Variants in ADAM12 observed in about 807,000 individuals in gnomAD.
The protein encoded by ADAM12 is disintegrin and metalloproteinase domain-containing protein 12.
In ADAM12, 70 loss-of-function variants were observed where a neutral mutation model predicts 106.4. That is an observed-to-expected ratio of 0.66 (90% CI 0.54 to 0.80). The LOEUF (loss-of-function observed/expected upper bound fraction) is 0.80. Ranked by LOEUF, ADAM12 falls within the 30% of genes least tolerant of loss-of-function variation. The pLI is 0.00. For synonymous variants in ADAM12, 420 were observed against 433.5 expected, an observed-to-expected ratio of 0.97 and a Z score of 0.39; for missense variants, 1,010 against 1,171.9, an observed-to-expected ratio of 0.86 and a Z score of 2.02.
chr10:126,337,687 C>A (rs376785788), intron 1 of ADAM12, among the ~76,000 whole-genome samples: 3 of 152,290 alleles, frequency 2.0e-5, no homozygotes, highest in African/African-American at 7.2e-5. Flanking sequence ...GCCATGTAGG[C>A]AACCCTCCAT....
chr10:126,138,384 AT>A (rs534261484), intron 4 of ADAM12, among the ~76,000 whole-genome samples: 1 of 151,112 alleles, frequency 6.6e-6, no homozygotes, highest in African/African-American at 2.4e-5. Flanking sequence ...TTATTTATTT[AT>A]TTTTTTTGAG....
At position 126,247,656 on chromosome 10, in the gene ADAM12, T is replaced by C. The variant is rs185647608; in HGVS notation, c.260+31259A>G. Among the ~76,000 whole-genome samples the C allele has an allele frequency of 2.3e-4, 35 of 152,324 alleles. No individual in the cohort carries two copies. The East Asian group carries it at 6.6e-3, about 29-fold the overall frequency. ...CATTTAAAACAGGGCTTGGCGTCAA[T>C]CTTGAGACTAAGTCACCAACCAGGA... On this transcript the variant is annotated intron_variant, in intron 3 of 22. Transcript: ENST00000448723.
chr10:126,337,426 T>C (rs1036014266), intron 1 of ADAM12, among the ~76,000 whole-genome samples: 15 of 152,210 alleles, frequency 9.9e-5, no homozygotes, highest in African/African-American at 3.6e-4. Flanking sequence ...TCAAAGAACC[T>C]GGAGTCTGAT....
chr10:126,260,087 G>C (rs555293173), intron 3 of ADAM12, among the ~76,000 whole-genome samples: 2 of 152,232 alleles, frequency 1.3e-5, no homozygotes, highest in South Asian at 4.2e-4. Context: ...TGCCTACAAG[G>C]GCCCCAGCAT....
At chr10:126,211,400 G>A (rs1957898646) in intron 3 of ADAM12, among the ~76,000 whole-genome samples, 1 of 152,186 alleles carries the variant, frequency 6.6e-6, no homozygotes. Flanking sequence ...TGGTTGCCAA[G>A]GACATTGGAA....
chr10:126,020,725 T>C (rs935203107), intron 21 of ADAM12, among the ~76,000 whole-genome samples: 1 of 152,076 alleles, frequency 6.6e-6, no homozygotes, highest in African/African-American at 2.4e-5. Flanking sequence ...GCGTGGTAGC[T>C]CATGCCTGTA....
chr10:126,343,568 G>A (rs1023992156), intron 1 of ADAM12, among the ~76,000 whole-genome samples: 14 of 152,076 alleles, frequency 9.2e-5, no homozygotes, highest in Non-Finnish European at 2.1e-4. Flanking sequence ...TGGGTCAAAT[G>A]GTATTTCTAG....
intron 21 of ADAM12, among the ~76,000 whole-genome samples, chr10:126,025,139 T>G (rs1389801019): frequency 5.9e-5 from 9 of 152,080 alleles, no homozygotes; most frequent in African/African-American, 2.4e-5. Context: ...GAGTGCCACT[T>G]TTTCTCCAAA....
intron 2 of ADAM12, among the ~76,000 whole-genome samples, chr10:126,314,337 TG>T (rs1961251734): frequency 6.6e-6 from 1 of 152,030 alleles, no homozygotes; most frequent in South Asian, 2.1e-4. Flanking sequence ...GGGGATGCTG[TG>T]GGGTGAGGAT....
chr10:126,233,164 G>A (rs73382686), intron 3 of ADAM12, among the ~76,000 whole-genome samples: 201 of 152,274 alleles, frequency 1.3e-3, no homozygotes, highest in African/African-American at 4.7e-3. Context: ...TCCCCATGAT[G>A]CAGGGTGTGC....
chr10:126,127,947 C>T (rs1461268500), intron 5 of ADAM12, among the ~76,000 whole-genome samples: 1 of 152,194 alleles, frequency 6.6e-6, no homozygotes, highest in East Asian at 1.9e-4. Flanking sequence ...GCCAAAAAAA[C>T]AGCATGGCGG....
At chr10:126,371,097 C>T (rs1358582910) in intron 1 of ADAM12, among the ~76,000 whole-genome samples, 1 of 152,198 alleles carries the variant, frequency 6.6e-6, no homozygotes, top group African/African-American at 2.4e-5. Context: ...CACCTTGTAG[C>T]TGTATAACTG....
chr10:126,095,533 CAAAAAA>C (rs11396229), intron 10 of ADAM12, among the ~76,000 whole-genome samples: 6 of 46,586 alleles, frequency 1.3e-4, no homozygotes, highest in Admixed American at 3.1e-4. Context: ...GACTCTGTCT[CAAAAAA>C]AAAAAAAAAA....
intron 3 of ADAM12, among the ~76,000 whole-genome samples, chr10:126,271,140 A>G (rs1016092783): frequency 6.6e-6 from 1 of 152,148 alleles, no homozygotes; most frequent in African/African-American, 2.4e-5. Context: ...TCTCAGGACC[A>G]TGCCTACCAT....
At chr10:126,235,815 A>G (rs1958403469) in intron 3 of ADAM12, among the ~76,000 whole-genome samples, 1 of 152,200 alleles carries the variant, frequency 6.6e-6, no homozygotes, top group Non-Finnish European at 1.5e-5. Flanking sequence ...TAGGAACAAA[A>G]GGGCCAAATC....
chr10:126,200,967 C>A (rs1268059686), intron 3 of ADAM12, among the ~76,000 whole-genome samples: 1 of 152,124 alleles, frequency 6.6e-6, no homozygotes, highest in Non-Finnish European at 1.5e-5. Flanking sequence ...GTAGACCAGT[C>A]TGGGCAGGGC....
At chr10:126,225,022 G>A (rs1958165544) in intron 3 of ADAM12, among the ~76,000 whole-genome samples, 1 of 152,258 alleles carries the variant, frequency 6.6e-6, no homozygotes, top group South Asian at 2.1e-4. Context: ...GTTTGGGAGT[G>A]AGAAGCAACT....
At position 126,012,529 on chromosome 10, in the gene ADAM12, T is replaced by C. The variant is rs1302649292; in HGVS notation, c.*4750A>G. On this transcript the variant is annotated 3_prime_UTR_variant, in exon 23 of 23. Transcript: ENST00000448723. ...ACAGACTGTGATAGAAAAAGGTATG[T>C]GAAAAAATTAGCAAACCAAAGCATG... is the stretch of plus-strand genomic sequence containing the variant. The C allele has an allele frequency of 6.6e-6, 1 of 152,156 alleles. No individual in the cohort carries two copies. 9.4% of individuals were successfully genotyped at this position (152,156 alleles called of 1,614,324 possible).
intron 2 of ADAM12, among the ~76,000 whole-genome samples, chr10:126,322,949 C>T (rs1268950496): frequency 1.3e-5 from 2 of 152,118 alleles, no homozygotes; most frequent in African/African-American, 4.8e-5. Flanking sequence ...CCAGCAGCCT[C>T]CTGTGTGGCA....
Sources: gnomAD v4.1 joint callset for allele counts (sites outside exome capture counted in the v4.1 genomes callset) on GRCh38, gnomAD v4.1.1 for gene constraint, MANE v1.5 for transcripts, NCBI Gene and HGNC (gene_info 2026-07-23, HGNC 2026-07-21) for gene names.